UTRN: variants seen among roughly 807,000 people sequenced by gnomAD.
UTRN encodes the protein utrophin.
Under a neutral mutation model 463.9 loss-of-function variants are expected in UTRN, and 283 were observed. The ratio of observed to expected loss-of-function variants is 0.61; its 90% CI spans 0.55 to 0.67. UTRN has a LOEUF of 0.67. Among genes scored for constraint, UTRN ranks in the 30% least tolerant of loss-of-function variants. UTRN has a pLI of 0.00. For missense variants in UTRN, 3,922 were observed against 4,084.3 expected, an observed-to-expected ratio of 0.96 and a Z score of 1.08; for synonymous variants, 1,442 against 1,431.5, an observed-to-expected ratio of 1.01 and a Z score of -0.17.
At chr6:144,569,091 A>G (rs752747032) in intron 50 of UTRN, among the ~76,000 whole-genome samples, 5 of 152,158 alleles carry the variant, frequency 3.3e-5, no homozygotes, top group Admixed American at 6.6e-5. Flanking sequence ...AATATTGAGT[A>G]TACCATACTC....
chr6:144,760,764 C>T (rs1223072194), intron 58 of UTRN, among the ~76,000 whole-genome samples: 2 of 152,114 alleles, frequency 1.3e-5, no homozygotes, highest in Non-Finnish European at 2.9e-5. Context: ...TGCATGATTG[C>T]CATGCAATGA....
intron 23 of UTRN, 70 bp from the exon 24 acceptor site, chr6:144,473,650 G>T (rs900068089): frequency 8.6e-7 from 1 of 1,167,712 alleles, no homozygotes; most frequent in South Asian, 1.5e-5. Context: ...TTCCAGTGGC[G>T]GTAGATCTTG....
At chr6:144,845,987 G>A (rs1282296226) in intron 73 of UTRN, among the ~76,000 whole-genome samples, 2 of 151,922 alleles carry the variant, frequency 1.3e-5, no homozygotes, top group Non-Finnish European at 2.9e-5. Context: ...GATGACTAGG[G>A]ACAACTTTTA....
rs957816071 is a variant in UTRN, at chr6:144,631,203, AAGAG to A, written c.7480-47198_7480-47195del. ...TAAAACCAAAAGAGAGAGAGAGAGAAAGAGAGAGTGAGTGTGTGTGTGTGAGAGA... is the reference window on the plus strand; with the variant it reads ...TAAAACCAAAAGAGAGAGAGAGAGAAAGAGTGAGTGTGTGTGTGTGAGAGA... On this transcript the variant is annotated intron_variant, in intron 51 of 74. Coordinates refer to ENST00000367545, the MANE Select transcript of UTRN (RefSeq NM_007124.3). Among the ~76,000 whole-genome samples, 9 of 147,630 alleles carry A rather than the reference AAGAG, an allele frequency of 6.1e-5. No homozygotes were observed. In the Middle Eastern group the frequency reaches 0.011, roughly 177 times the overall value.
intron 3 of UTRN, among the ~76,000 whole-genome samples, chr6:144,413,182 A>C (rs1324053088): frequency 6.6e-6 from 1 of 152,276 alleles, no homozygotes; most frequent in Non-Finnish European, 1.5e-5. Context: ...AGGATGTTTT[A>C]CTCATTGATG....
intron 59 of UTRN, among the ~76,000 whole-genome samples, chr6:144,772,745 C>G (rs1392594332): frequency 2.6e-5 from 4 of 152,046 alleles, no homozygotes; most frequent in African/African-American, 7.2e-5. Flanking sequence ...TATAAAAATG[C>G]AAGAAAACAC....
At chr6:144,602,385 C>T (rs1386543557) in intron 51 of UTRN, among the ~76,000 whole-genome samples, 2 of 151,946 alleles carry the variant, frequency 1.3e-5, no homozygotes, top group Admixed American at 6.6e-5. Context: ...GTGATCCACC[C>T]GCCTTGGCCT....
At chr6:144,361,632 C>A (rs1215865569) in intron 2 of UTRN, among the ~76,000 whole-genome samples, 1 of 152,106 alleles carries the variant, frequency 6.6e-6, no homozygotes, top group Non-Finnish European at 1.5e-5. Context: ...CTCTGTTACC[C>A]AGGCTGGAGT....
chr6:144,827,187 G>GT (rs1373831750), intron 66 of UTRN, among the ~76,000 whole-genome samples, 161 bp from the exon 67 acceptor site: 1 of 152,156 alleles, frequency 6.6e-6, no homozygotes, highest in Non-Finnish European at 1.5e-5. Context: ...AGAATACACT[G>GT]TGACTTCTGT....
intron 3 of UTRN, among the ~76,000 whole-genome samples, chr6:144,414,302 C>T (rs1584685997): frequency 6.6e-6 from 1 of 152,108 alleles, no homozygotes; most frequent in Admixed American, 6.5e-5. Flanking sequence ...TTGATCCTCA[C>T]CCTGTGTAGG....
At chr6:144,423,461 T>TTCA in intron 4 of UTRN, 88 bp from the exon 5 acceptor site, 4 of 1,371,272 alleles carry the variant, frequency 2.9e-6, no homozygotes, top group Non-Finnish European at 4.1e-6. Context: ...TACGCTGAGC[T>TTCA]TCACTTCTGT....
At chr6:144,318,884 A>G (rs1034130309) in intron 2 of UTRN, among the ~76,000 whole-genome samples, 3 of 152,194 alleles carry the variant, frequency 2.0e-5, no homozygotes, top group African/African-American at 7.2e-5. Flanking sequence ...CAGCCTTAGC[A>G]ACATGGTGAA....
chr6:144,510,307 C>T (rs763962618), intron 34 of UTRN, among the ~76,000 whole-genome samples: 3 of 152,110 alleles, frequency 2.0e-5, no homozygotes, highest in South Asian at 2.1e-4. Flanking sequence ...ACGAATGTGC[C>T]GATCACTTTA....
At chr6:144,394,657 C>T (rs1782239647) in intron 2 of UTRN, among the ~76,000 whole-genome samples, 1 of 152,134 alleles carries the variant, frequency 6.6e-6, no homozygotes, top group Admixed American at 6.5e-5. Context: ...GAAAACATAG[C>T]ATTCCTATAT....
At chr6:144,827,321 T>C (rs1202358499) in intron 66 of UTRN, 27 bp from the exon 67 acceptor site, 1 of 1,612,828 alleles carries the variant, frequency 6.2e-7, no homozygotes, top group Non-Finnish European at 8.5e-7. Flanking sequence ...GTTCTGTGAC[T>C]TTTGTCTCCC....
chr6:144,820,517 A>C (rs1250266009), intron 65 of UTRN, among the ~76,000 whole-genome samples: 1 of 151,994 alleles, frequency 6.6e-6, no homozygotes, highest in African/African-American at 2.4e-5. Flanking sequence ...TGTCATCACT[A>C]TATTAATAGC....
At chr6:144,631,237 GGT>G (rs67332744) in intron 51 of UTRN, among the ~76,000 whole-genome samples, 12,233 of 147,324 alleles carry the variant, frequency 0.083, 925 homozygotes, top group African/African-American at 0.21. Flanking sequence ...GAGAGAGAGA[GGT>G]GTGTGTGTGT....
intron 51 of UTRN, among the ~76,000 whole-genome samples, chr6:144,642,731 C>T (rs886506531): frequency 4.6e-5 from 7 of 152,036 alleles, no homozygotes; most frequent in Middle Eastern, 3.2e-3. Flanking sequence ...CCCAGTAGGG[C>T]GGTTGTTTTA....
chr6:144,344,504 C>T (rs1482020592), intron 2 of UTRN, among the ~76,000 whole-genome samples: 1 of 152,210 alleles, frequency 6.6e-6, no homozygotes, highest in African/African-American at 2.4e-5. Context: ...CTGCTTCACA[C>T]TTCTCTTCAG....
Sources: allele counts gnomAD v4.1 joint callset (sites outside exome capture counted in the v4.1 genomes callset), GRCh38; gene constraint gnomAD v4.1.1; transcripts MANE v1.5; gene names NCBI Gene and HGNC (gene_info 2026-07-23, HGNC 2026-07-21).